Variants in HYCC2 observed in about 807,000 individuals in gnomAD.
HYCC2 encodes the protein hyccin PI4KA lipid kinase complex subunit 2.
At chr2:200,991,967 C>A in the HYCC2 span, among the ~76,000 whole-genome samples, 1 of 151,968 alleles carries the variant, frequency 6.6e-6, no homozygotes, top group Non-Finnish European at 1.5e-5. Context: ...GCAAATCAAT[C>A]TTATTTTAGT....
chr2:200,976,690 T>A, the HYCC2 span: 18 of 152,136 alleles, frequency 1.2e-4, 1 homozygote, highest in Admixed American at 1.2e-3. Flanking sequence ...ACTACCGCAT[T>A]TAAGACATTT....
At chr2:201,051,647 A>C in the HYCC2 span, among the ~76,000 whole-genome samples, 2 of 152,256 alleles carry the variant, frequency 1.3e-5, no homozygotes, top group African/African-American at 4.8e-5. Flanking sequence ...CAATGAAAAC[A>C]AGAAAACATT....
At chr2:200,975,099 T>C in the HYCC2 span, 1 of 151,986 alleles carries the variant, frequency 6.6e-6, no homozygotes, top group Non-Finnish European at 1.5e-5. Context: ...TGAGGAATAA[T>C]ATTTAGATTT....
At chr2:201,001,674 A>AT in the HYCC2 span, among the ~76,000 whole-genome samples, 2 of 151,736 alleles carry the variant, frequency 1.3e-5, no homozygotes, top group Non-Finnish European at 2.9e-5. Context: ...TTTTATTTCT[A>AT]TTTTTATTTT....
the HYCC2 span, among the ~76,000 whole-genome samples, chr2:201,028,069 C>T: frequency 1.3e-5 from 2 of 152,134 alleles, no homozygotes; most frequent in Non-Finnish European, 2.9e-5. Context: ...AAAACCCCAT[C>T]ATCTCAGCCC....
the HYCC2 span, among the ~76,000 whole-genome samples, chr2:201,068,896 G>A: frequency 6.6e-6 from 1 of 151,970 alleles, no homozygotes; most frequent in South Asian, 2.1e-4. Context: ...CAGATAAAGT[G>A]TAAAAAGAAG....
At chr2:201,052,181 C>G in the HYCC2 span, 1 of 152,602 alleles carries the variant, frequency 6.6e-6, no homozygotes, top group Admixed American at 6.6e-5. Flanking sequence ...ACCTGTAGTG[C>G]CAGCTATTCA....
the HYCC2 span, among the ~76,000 whole-genome samples, chr2:201,058,739 G>T: frequency 6.6e-6 from 1 of 152,128 alleles, no homozygotes; most frequent in Admixed American, 6.5e-5. Context: ...TTTTCATATC[G>T]AATTACATTT....
the HYCC2 span, among the ~76,000 whole-genome samples, chr2:201,048,146 G>T: frequency 6.6e-6 from 1 of 152,028 alleles, no homozygotes; most frequent in Non-Finnish European, 1.5e-5. Flanking sequence ...GATTTTAGCA[G>T]TTGTGTGACA....
the HYCC2 span, among the ~76,000 whole-genome samples, chr2:201,033,656 G>A: frequency 2.6e-5 from 4 of 151,716 alleles, no homozygotes; most frequent in Admixed American, 1.3e-4. Flanking sequence ...TGCCCGCCTC[G>A]GCCTCCCAAA....
At chr2:201,016,765 A>G in the HYCC2 span, among the ~76,000 whole-genome samples, 4,436 of 151,298 alleles carry the variant, frequency 0.029, 109 homozygotes, top group Middle Eastern at 0.088. Context: ...ATGCTCAGCT[A>G]ATTTCTGTAT....
the HYCC2 span, among the ~76,000 whole-genome samples, chr2:201,069,150 A>G: frequency 6.6e-6 from 1 of 152,240 alleles, no homozygotes; most frequent in Admixed American, 6.5e-5. Flanking sequence ...CAATCATTCT[A>G]GAACTTAATA....
the HYCC2 span, among the ~76,000 whole-genome samples, chr2:201,042,525 C>T: frequency 6.6e-6 from 1 of 151,142 alleles, no homozygotes; most frequent in Non-Finnish European, 1.5e-5. Context: ...GTCTCTGCCC[C>T]GCCGCCACCC....
At chr2:201,034,481 A>C in the HYCC2 span, among the ~76,000 whole-genome samples, 1 of 151,382 alleles carries the variant, frequency 6.6e-6, no homozygotes, top group Non-Finnish European at 1.5e-5. Context: ...CCATCCCTTT[A>C]TTTTGAGCCT....
At chr2:201,047,829 T>C in the HYCC2 span, among the ~76,000 whole-genome samples, 1 of 144,298 alleles carries the variant, frequency 6.9e-6, no homozygotes, top group Admixed American at 7.1e-5. Flanking sequence ...TAACTGCTAA[T>C]CTAGAATACT....
the HYCC2 span, among the ~76,000 whole-genome samples, chr2:201,002,251 C>A: frequency 2.4e-5 from 3 of 124,450 alleles, no homozygotes; most frequent in Non-Finnish European, 5.0e-5. Flanking sequence ...CTGGGCAATA[C>A]AGTGAAACAA....
the HYCC2 span, chr2:201,022,822 G>A: frequency 1.3e-6 from 2 of 1,524,390 alleles, no homozygotes; most frequent in Non-Finnish European, 1.8e-6. Context: ...TTTTCTTGAG[G>A]TCTCCTACCT....
chr2:201,005,820 T>G, the HYCC2 span, among the ~76,000 whole-genome samples: 1 of 152,050 alleles, frequency 6.6e-6, no homozygotes, highest in Non-Finnish European at 1.5e-5. Flanking sequence ...TTTTTTATTT[T>G]GTTATTTTTA....
chr2:200,990,301 C>T, the HYCC2 span, among the ~76,000 whole-genome samples: 1 of 152,178 alleles, frequency 6.6e-6, no homozygotes, highest in Non-Finnish European at 1.5e-5. Flanking sequence ...AATAAACACA[C>T]ATTACCAAAC....
Sources: allele counts gnomAD v4.1 joint callset (sites outside exome capture counted in the v4.1 genomes callset), GRCh38; gene constraint gnomAD v4.1.1; transcripts MANE v1.5; gene names NCBI Gene and HGNC (gene_info 2026-07-23, HGNC 2026-07-21).